The following DNAJC10 variants were observed in gnomAD, a reference collection of about 807,000 sequenced individuals.
DNAJC10 encodes DnaJ heat shock protein family (Hsp40) member C10, also known as endoplasmic reticulum disulfide reductase DNAJC10.
A neutral mutation model predicts 115.0 loss-of-function variants in DNAJC10; 101 were observed. That is an observed-to-expected ratio of 0.88 (90% CI 0.75 to 1.04). The LOEUF is 1.04. Among genes scored for constraint, DNAJC10 ranks in the 50% least tolerant of loss-of-function variants. DNAJC10 has a pLI of 0.00. For missense variants in DNAJC10, 981 were observed against 928.8 expected, an observed-to-expected ratio of 1.06 and a Z score of -0.73; for synonymous variants, 307 against 301.5, an observed-to-expected ratio of 1.02 and a Z score of -0.19.
At position 182,793,829 on chromosome 2, in the gene DNAJC10, C is replaced by G. The variant is rs1169317592; in HGVS notation, c.*16697C>G. The G allele has an allele frequency of 7.2e-6, 1 of 139,612 alleles. No individual in the cohort carries two copies. Among genetic ancestry groups the G allele is most frequent in the Non-Finnish European group, 1.6e-5 (1 of 63,918 alleles). The allele number at this position is 139,612 out of a possible 1,614,324, so 8.6% of individuals were successfully genotyped here. A position where few individuals can be genotyped will look rare whatever the true frequency, so the allele number is the denominator to read the frequency against. ...CCAGAGAGGAAACACATCACACACA[C>G]ACACACACACACACACACACACACA... On this transcript the variant is annotated 3_prime_UTR_variant, in exon 24 of 24. Transcript: ENST00000264065.
intron 5 of DNAJC10, among the ~76,000 whole-genome samples, chr2:182,725,830 A>G (rs1693269626): frequency 6.6e-6 from 1 of 152,224 alleles, no homozygotes; most frequent in South Asian, 2.1e-4. Flanking sequence ...ACAAATTCTC[A>G]ATGTTAATGA....
chr2:182,742,438 C>T (rs1693759371), intron 13 of DNAJC10, among the ~76,000 whole-genome samples: 1 of 152,212 alleles, frequency 6.6e-6, no homozygotes, highest in African/African-American at 2.4e-5. Flanking sequence ...GATCCACCCA[C>T]CTCAGCCTCC....
chr2:182,762,441 C>T (rs1435837937), intron 21 of DNAJC10, among the ~76,000 whole-genome samples: 1 of 152,014 alleles, frequency 6.6e-6, no homozygotes, highest in Non-Finnish European at 1.5e-5. Flanking sequence ...TGAGACATTG[C>T]AGGATAAAGC....
At chr2:182,774,710 G>T (rs1174635311) in intron 22 of DNAJC10, among the ~76,000 whole-genome samples, 1 of 152,230 alleles carries the variant, frequency 6.6e-6, no homozygotes, top group African/African-American at 2.4e-5. Context: ...TGGGAAAAGT[G>T]CAGTATTTGG....
chr2:182,757,722 A>G lies in DNAJC10; in HGVS notation c.1840A>G (p.Ile614Val). 6.2e-7 allele frequency: 1 copy of G among 1,600,064 alleles called. No homozygotes were observed. The highest frequency in any genetic ancestry group is 8.5e-7 in the Non-Finnish European group (1 of 1,174,192). Residue 614 changes from isoleucine to valine, a missense_variant, in exon 19 of 24, where the codon ATA becomes GTA. Coordinates refer to ENST00000264065, the MANE Select transcript of DNAJC10 (RefSeq NM_018981.4). Reference sequence around the variant, plus strand: ...AACTGGACTGATCAACGTGGGCAGTATAGATTGCCAACAGTATCATTCTTT... The same window carrying G: ...AACTGGACTGATCAACGTGGGCAGTGTAGATTGCCAACAGTATCATTCTTT... ...TLTGLINVGSIDCQQYHSFCA... is the reference protein window; with the variant it reads ...TLTGLINVGSVDCQQYHSFCA...
chr2:182,739,410 T>G (rs1249696671), intron 11 of DNAJC10: 1 of 543,582 alleles, frequency 1.8e-6, no homozygotes, highest in Non-Finnish European at 2.4e-6. Context: ...TTTAGTGAAT[T>G]TTAGATCTTT....
chr2:182,793,173 T>C lies in DNAJC10; in HGVS notation c.*16041T>C, dbSNP rs538990855. The C allele has an allele frequency of 8.5e-5, 13 of 152,246 alleles. 1 individual carries two copies. Among genetic ancestry groups the C allele is most frequent in the African/African-American group, 3.1e-4 (13 of 41,504 alleles). 9.4% of individuals were successfully genotyped at this position (152,246 alleles called of 1,614,324 possible). A position where few individuals can be genotyped will look rare whatever the true frequency, so the allele number is the denominator to read the frequency against. ...AGGCCAGAGGACAGGCTCCAAGGCA[T>C]GCTTGGCAGGTTCAAGGAACAGCAG... On this transcript the variant is annotated 3_prime_UTR_variant, in exon 24 of 24. Coordinates refer to ENST00000264065, the MANE Select transcript of DNAJC10 (RefSeq NM_018981.4).
chr2:182,755,147 T>C (rs1279987671), intron 17 of DNAJC10, 43 bp downstream of exon 17: 1 of 1,213,768 alleles, frequency 8.2e-7, no homozygotes, highest in Non-Finnish European at 1.2e-6. Context: ...TTTGTCTGTT[T>C]CTATGTAAAC....
At position 182,777,639 on chromosome 2, in the gene DNAJC10, T is replaced by A. The variant is rs1281040541; in HGVS notation, c.*507T>A. On this transcript the variant is annotated 3_prime_UTR_variant, in exon 24 of 24. Transcript: ENST00000264065. The stretch of plus-strand genomic sequence containing the variant: ...GCTGACCTGAAAAGAGGTAACTTAG[T>A]TTTTGGTCACTTGTTCTCCTAAAAA... The A allele has an allele frequency of 6.6e-6, 1 of 152,182 alleles. No homozygotes were observed. The highest frequency in any genetic ancestry group is 1.5e-5 in the Non-Finnish European group (1 of 68,044). The allele number at this position is 152,182 out of a possible 1,614,324, so 9.4% of individuals were successfully genotyped here. A position where few individuals can be genotyped will look rare whatever the true frequency, so the allele number is the denominator to read the frequency against.
rs1574969212 is a variant in DNAJC10 at position 182,788,660 on chromosome 2, A to G, written c.*11528A>G. 21 of 341,902 alleles carry G rather than the reference A, an allele frequency of 6.1e-5. 2 individuals are homozygous for G. Among genetic ancestry groups the G allele is most frequent in the South Asian group, 5.1e-4 (21 of 41,526 alleles). 21.2% of individuals were successfully genotyped at this position (341,902 alleles called of 1,614,324 possible). ...GGTCATATTTGTGTTCTTTTGTCCC[A>G]GAGAACAAAAGGAAGTGAGCTTATC... is the stretch of plus-strand genomic sequence containing the variant. On this transcript the variant is annotated 3_prime_UTR_variant, in exon 24 of 24. Coordinates refer to ENST00000264065, the MANE Select transcript of DNAJC10 (RefSeq NM_018981.4).
chr2:182,717,974 G>C lies in DNAJC10; in HGVS notation c.-113G>C. On this transcript the variant is annotated 5_prime_UTR_variant, in exon 3 of 24. Coordinates refer to ENST00000264065, the MANE Select transcript of DNAJC10 (RefSeq NM_018981.4). ...TTTTGGGGACAGATTTGTGATGCTT[G>C]ATTCACCCTTGAAGTAATGTAGACA... The C allele has an allele frequency of 3.1e-6, 2 of 653,910 alleles. No homozygotes were observed. Among genetic ancestry groups the C allele is most frequent in the South Asian group, 3.0e-5 (1 of 33,524 alleles). The allele number at this position is 653,910 out of a possible 1,614,324, so 40.5% of individuals were successfully genotyped here.
At position 182,783,209 on chromosome 2, in the gene DNAJC10, T is replaced by A. The variant is rs1168955696; in HGVS notation, c.*6077T>A. The A allele has an allele frequency of 6.6e-6, 1 of 152,294 alleles. No individual in the cohort carries two copies. Among genetic ancestry groups the A allele is most frequent in the East Asian group, 1.9e-4 (1 of 5,184 alleles). 9.4% of individuals were successfully genotyped at this position (152,294 alleles called of 1,614,324 possible). On this transcript the variant is annotated 3_prime_UTR_variant, in exon 24 of 24. Transcript: ENST00000264065. Reference sequence around the variant, plus strand: ...TTTCAAATGTTTGGAGGAAGTAAAATGTCTTTAAAAGAATAAGTGTTGATT... The same window carrying A: ...TTTCAAATGTTTGGAGGAAGTAAAAAGTCTTTAAAAGAATAAGTGTTGATT...
At chr2:182,758,678 T>G (rs930441173) in intron 19 of DNAJC10, among the ~76,000 whole-genome samples, 159 bp from the exon 20 acceptor site, 1 of 152,292 alleles carries the variant, frequency 6.6e-6, no homozygotes, top group Middle Eastern at 3.4e-3. Context: ...TTGTGAGGCC[T>G]TATAACCAGA....
chr2:182,757,600 A>C (rs1694189532), intron 18 of DNAJC10, 92 bp from the exon 19 acceptor site: 14 of 899,262 alleles, frequency 1.6e-5, no homozygotes, highest in Non-Finnish European at 2.1e-5. Flanking sequence ...TAAATAATAT[A>C]ATAACTGTTT....
At chr2:182,737,040 G>A (rs567240876) in intron 11 of DNAJC10, among the ~76,000 whole-genome samples, 43 of 152,280 alleles carry the variant, frequency 2.8e-4, no homozygotes, top group Admixed American at 1.1e-3. Context: ...GTGAGTCACC[G>A]CACCTAACCT....
At chr2:182,767,627 C>G (rs1373319999) in intron 22 of DNAJC10, among the ~76,000 whole-genome samples, 3 of 151,002 alleles carry the variant, frequency 2.0e-5, no homozygotes, top group Non-Finnish European at 4.4e-5. Flanking sequence ...CAGTGAATGC[C>G]AAGAATGAGT....
chr2:182,728,478 CTT>C lies in DNAJC10; in HGVS notation c.419-94_419-93del, dbSNP rs539523225. On this transcript the variant is annotated intron_variant, in intron 5 of 23. Coordinates refer to ENST00000264065, the MANE Select transcript of DNAJC10 (RefSeq NM_018981.4). ...GAAAGACAATATGAAAATTGCATGA[CTT>C]TTTAAAATTCTGATCTCCACAAAAA... is the stretch of plus-strand genomic sequence containing the variant. The C allele has an allele frequency of 1.1e-5, 8 of 715,138 alleles. No homozygotes were observed. In the South Asian group the frequency reaches 1.8e-4, roughly 16 times the overall value. 44.3% of individuals were successfully genotyped at this position (715,138 alleles called of 1,614,324 possible).
chr2:182,719,457 G>A (rs1693088966), intron 3 of DNAJC10, among the ~76,000 whole-genome samples: 1 of 151,760 alleles, frequency 6.6e-6, no homozygotes, highest in East Asian at 1.9e-4. Context: ...GCTTCACCAT[G>A]TTGGCCAGGC....
Position 182,777,112 on chromosome 2 carries a change from T to C in DNAJC10, c.2371-9T>C, listed in dbSNP as rs769688467. ...TCCTTTCTCTATCGCCTTTACATTA[T>C]TATTATAGGATGAACTTTGATAATG... On this transcript the variant is annotated splice_polypyrimidine_tract_variant and intron_variant, in intron 23 of 23. Coordinates refer to ENST00000264065, the MANE Select transcript of DNAJC10 (RefSeq NM_018981.4). 7.1e-7 allele frequency: 1 copy of C among 1,406,494 alleles called. No individual in the cohort carries two copies. The highest frequency in any genetic ancestry group is 2.3e-5 in the Admixed American group (1 of 43,508). 87.1% of individuals were successfully genotyped at this position (1,406,494 alleles called of 1,614,324 possible). A position where few individuals can be genotyped will look rare whatever the true frequency, so the allele number is the denominator to read the frequency against.
Sources: allele counts gnomAD v4.1 joint callset (sites outside exome capture counted in the v4.1 genomes callset), GRCh38; gene constraint gnomAD v4.1.1; transcripts MANE v1.5; gene names NCBI Gene and HGNC (gene_info 2026-07-23, HGNC 2026-07-21).